The following NFIB variants were observed in gnomAD, a reference collection of about 807,000 sequenced individuals.
The protein encoded by NFIB is nuclear factor I B, also known as nuclear factor 1 B-type.
NFIB carries 11 observed loss-of-function variants against 61.5 expected under a neutral mutation model. That is an observed-to-expected ratio of 0.18 (90% CI 0.11 to 0.30). The LOEUF is 0.30. Among genes scored for constraint, NFIB ranks in the 10% least tolerant of loss-of-function variants. The pLI is 1.00. For synonymous variants in NFIB, 260 were observed against 216.5 expected (o/e 1.20, Z -1.76); for missense variants, 471 against 608.9 (o/e 0.77, Z 2.38).
intron 2 of NFIB, among the ~76,000 whole-genome samples, chr9:14,211,400 G>GTTCC (rs1409992853): frequency 5.3e-5 from 8 of 152,068 alleles, no homozygotes; most frequent in Admixed American, 5.2e-4. Context: ...ACAGGATATA[G>GTTCC]GGAATACATA....
intron 10 of NFIB, among the ~76,000 whole-genome samples, chr9:14,098,328 G>T (rs532139753): frequency 6.6e-6 from 1 of 152,278 alleles, no homozygotes; most frequent in East Asian, 1.9e-4. Flanking sequence ...TTTCTTGAAA[G>T]GGGTGAAGGG....
intron 1 of NFIB, among the ~76,000 whole-genome samples, chr9:14,380,297 A>G (rs1259201850): frequency 6.6e-6 from 1 of 152,212 alleles, no homozygotes; most frequent in Non-Finnish European, 1.5e-5. Context: ...CACTGAGGTG[A>G]TGAAGGGGTT....
the NFIB span, among the ~76,000 whole-genome samples, chr9:14,459,883 G>C: frequency 6.6e-6 from 1 of 151,344 alleles, no homozygotes; most frequent in Non-Finnish European, 1.5e-5. Flanking sequence ...TGCTGGAGAG[G>C]ATGTGGAGAA....
At chr9:14,284,045 G>A (rs2058554123) in intron 2 of NFIB, among the ~76,000 whole-genome samples, 1 of 152,136 alleles carries the variant, frequency 6.6e-6, no homozygotes, top group African/African-American at 2.4e-5. Flanking sequence ...GAGTGAAGCT[G>A]GGAATATGAG....
At chr9:14,464,305 G>T in the NFIB span, among the ~76,000 whole-genome samples, 1 of 152,168 alleles carries the variant, frequency 6.6e-6, no homozygotes, top group Non-Finnish European at 1.5e-5. Context: ...TATCGTGCAG[G>T]TAATGAAGGA....
chr9:14,419,408 A>C, the NFIB span, among the ~76,000 whole-genome samples: 1 of 152,102 alleles, frequency 6.6e-6, no homozygotes, highest in Non-Finnish European at 1.5e-5. Flanking sequence ...CAACCCCTGG[A>C]AACAGGATTA....
At chr9:14,238,094 G>C (rs2053980654) in intron 2 of NFIB, among the ~76,000 whole-genome samples, 2 of 151,960 alleles carry the variant, frequency 1.3e-5, no homozygotes, top group Admixed American at 1.3e-4. Flanking sequence ...GGAGTGGTAG[G>C]AGATTTTGGG....
chr9:14,130,122 A>G (rs2040230334), intron 6 of NFIB, among the ~76,000 whole-genome samples: 1 of 152,132 alleles, frequency 6.6e-6, no homozygotes, highest in Non-Finnish European at 1.5e-5. Context: ...GCTGAACCAA[A>G]AATTTTCTTC....
At chr9:14,182,706 C>CTG (rs1179906800) in intron 2 of NFIB, among the ~76,000 whole-genome samples, 4 of 124,790 alleles carry the variant, frequency 3.2e-5, no homozygotes, top group African/African-American at 1.3e-4. Flanking sequence ...CTCTCTCTCT[C>CTG]TCTGTGTGTG....
chr9:14,472,713 C>T, the NFIB span, among the ~76,000 whole-genome samples: 14 of 151,758 alleles, frequency 9.2e-5, no homozygotes, highest in South Asian at 4.2e-4. Context: ...TCGTGGCGGG[C>T]GCCTGTAGTC....
At chr9:14,437,689 G>C in the NFIB span, among the ~76,000 whole-genome samples, 1 of 152,182 alleles carries the variant, frequency 6.6e-6, no homozygotes, top group African/African-American at 2.4e-5. Flanking sequence ...CGGGACCGGA[G>C]GGGGTCCCCC....
At chr9:14,155,777 T>G in intron 4 of NFIB, 48 bp downstream of exon 4, 1 of 1,200,132 alleles carries the variant, frequency 8.3e-7, no homozygotes, top group Non-Finnish European at 1.2e-6. Context: ...ATATAAAGTA[T>G]TTTAAATCAT....
chr9:14,476,382 C>A, the NFIB span, among the ~76,000 whole-genome samples: 5 of 151,836 alleles, frequency 3.3e-5, no homozygotes, highest in Non-Finnish European at 7.4e-5. Flanking sequence ...TGATGCCCAA[C>A]TGAAGCATCT....
intron 10 of NFIB, among the ~76,000 whole-genome samples, chr9:14,101,534 G>C (rs1309318474): frequency 6.6e-6 from 1 of 152,166 alleles, no homozygotes; most frequent in Non-Finnish European, 1.5e-5. Context: ...TAACATCAGA[G>C]CAGGGTTGGA....
chr9:14,464,033 T>C, the NFIB span, among the ~76,000 whole-genome samples: 1 of 152,144 alleles, frequency 6.6e-6, no homozygotes, highest in Non-Finnish European at 1.5e-5. Flanking sequence ...TTTTTACAGT[T>C]GGAAATTCTG....
chr9:14,240,429 G>A (rs1275806252), intron 2 of NFIB, among the ~76,000 whole-genome samples: 1 of 152,130 alleles, frequency 6.6e-6, no homozygotes, highest in Non-Finnish European at 1.5e-5. Flanking sequence ...CCTTCAAAAT[G>A]TGCATCGCAT....
intron 2 of NFIB, among the ~76,000 whole-genome samples, chr9:14,214,217 C>T (rs1446757165): frequency 6.6e-6 from 1 of 152,174 alleles, no homozygotes; most frequent in Admixed American, 6.5e-5. Flanking sequence ...CCAACTTCCC[C>T]TTCCCCACCA....
At chr9:14,178,935 T>C (rs1217057388) in intron 3 of NFIB, among the ~76,000 whole-genome samples, 2 of 152,182 alleles carry the variant, frequency 1.3e-5, no homozygotes, top group Non-Finnish European at 2.9e-5. Flanking sequence ...GGGGCATGTG[T>C]AGCTGGTTCG....
chr9:14,360,854 C>T (rs2061231238), intron 1 of NFIB, among the ~76,000 whole-genome samples: 1 of 151,834 alleles, frequency 6.6e-6, no homozygotes, highest in East Asian at 1.9e-4. Flanking sequence ...CCGCGCCTGG[C>T]CTTATGGTGA....
Sources: gnomAD v4.1 joint callset for allele counts (sites outside exome capture counted in the v4.1 genomes callset) on GRCh38, gnomAD v4.1.1 for gene constraint, MANE v1.5 for transcripts, NCBI Gene and HGNC (gene_info 2026-07-23, HGNC 2026-07-21) for gene names.